XYLT1: variants seen among roughly 807,000 people sequenced by gnomAD.
XYLT1 encodes the protein beta-D-xylosyltransferase 1.
In XYLT1, 36 loss-of-function variants were observed where a neutral mutation model predicts 91.3. The ratio of observed to expected loss-of-function variants is 0.39; its 90% CI spans 0.30 to 0.52. The LOEUF (loss-of-function observed/expected upper bound fraction) is 0.52, where lower values mean the gene tolerates loss of function less well. Among genes scored for constraint, XYLT1 ranks in the 20% least tolerant of loss-of-function variants. XYLT1 has a pLI of 0.68. For missense variants in XYLT1, 1,242 were observed against 1,284.5 expected, an observed-to-expected ratio of 0.97 and a Z score of 0.51; for synonymous variants, 588 against 532.0, an observed-to-expected ratio of 1.11 and a Z score of -1.45.
chr16:17,262,324 T>C (rs1206906532), intron 2 of XYLT1, among the ~76,000 whole-genome samples: 1 of 151,964 alleles, frequency 6.6e-6, no homozygotes, highest in African/African-American at 2.4e-5. Context: ...GGGTGGAAAA[T>C]AAGGTTGGGG....
At chr16:17,460,343 A>G (rs1375652537) in intron 1 of XYLT1, among the ~76,000 whole-genome samples, 1 of 152,162 alleles carries the variant, frequency 6.6e-6, no homozygotes, top group Non-Finnish European at 1.5e-5. Context: ...GGAATGCATG[A>G]TTCTATTTCT....
At chr16:17,363,329 T>C (rs1329613952) in intron 1 of XYLT1, among the ~76,000 whole-genome samples, 1 of 152,210 alleles carries the variant, frequency 6.6e-6, no homozygotes, top group Non-Finnish European at 1.5e-5. Context: ...TTGCTAGGGC[T>C]GCTATAATAA....
chr16:17,468,453 T>C (rs995196482), intron 1 of XYLT1, among the ~76,000 whole-genome samples: 3 of 152,032 alleles, frequency 2.0e-5, no homozygotes, highest in African/African-American at 7.2e-5. Flanking sequence ...GTAACTGAAC[T>C]TGCAGTTGGA....
intron 6 of XYLT1, among the ~76,000 whole-genome samples, chr16:17,142,953 C>A (rs181433899): frequency 3.5e-4 from 54 of 152,270 alleles, no homozygotes; most frequent in African/African-American, 1.2e-3. Flanking sequence ...TCCAAAATCA[C>A]GAACCTCCCC....
chr16:17,459,353 C>T (rs920239778), intron 1 of XYLT1, among the ~76,000 whole-genome samples: 1 of 152,142 alleles, frequency 6.6e-6, no homozygotes, highest in East Asian at 1.9e-4. Context: ...GCCGGGGTGA[C>T]GTAAGGAGTC....
At chr16:17,215,451 A>G (rs1189475784) in intron 3 of XYLT1, among the ~76,000 whole-genome samples, 1 of 152,202 alleles carries the variant, frequency 6.6e-6, no homozygotes, top group Non-Finnish European at 1.5e-5. Context: ...TCTCTGCCAC[A>G]TGAGGTCACA....
chr16:17,430,609 C>T, intron 1 of XYLT1, among the ~76,000 whole-genome samples: 1 of 152,214 alleles, frequency 6.6e-6, no homozygotes, highest in Admixed American at 6.5e-5. Context: ...CCTCTCATGG[C>T]TCCTCTCCCT....
rs548450522 is a variant in XYLT1 at position 17,380,790 on chromosome 16, T to C, written c.364-22740A>G. Among the ~76,000 whole-genome samples the C allele has an allele frequency of 7.9e-5, 12 of 152,240 alleles. No individual in the cohort carries two copies. The South Asian group carries it at 2.3e-3, about 29-fold the overall frequency. ...ATCTGCGTGGATAAACCAAATGCAA[T>C]ACACACATACCATGGACTAGTCAGC... On this transcript the variant is annotated intron_variant, in intron 1 of 11. Coordinates refer to ENST00000261381, the MANE Select transcript of XYLT1 (RefSeq NM_022166.4).
At chr16:17,295,342 G>GT (rs71390597) in intron 2 of XYLT1, among the ~76,000 whole-genome samples, 2 of 149,248 alleles carry the variant, frequency 1.3e-5, no homozygotes, top group African/African-American at 2.5e-5. Flanking sequence ...TTTTTGTTTT[G>GT]TTTTGTTTTG....
intron 3 of XYLT1, among the ~76,000 whole-genome samples, chr16:17,223,471 G>A (rs940551932): frequency 3.9e-5 from 6 of 152,266 alleles, no homozygotes; most frequent in Non-Finnish European, 8.8e-5. Context: ...CCAAGAGGCT[G>A]TGCTTTAGCC....
intron 5 of XYLT1, among the ~76,000 whole-genome samples, chr16:17,160,851 A>C (rs2031531918): frequency 6.6e-6 from 1 of 152,210 alleles, no homozygotes; most frequent in African/African-American, 2.4e-5. Context: ...CGGCCTATAA[A>C]AAAATTTAAG....
chr16:17,438,531 C>T (rs1268520738), intron 1 of XYLT1, among the ~76,000 whole-genome samples: 1 of 152,076 alleles, frequency 6.6e-6, no homozygotes, highest in Non-Finnish European at 1.5e-5. Context: ...AGCATGGGTG[C>T]CTGAATCAGA....
At chr16:17,154,428 G>A (rs1382605483) in intron 6 of XYLT1, among the ~76,000 whole-genome samples, 1 of 152,170 alleles carries the variant, frequency 6.6e-6, no homozygotes, top group Non-Finnish European at 1.5e-5. Flanking sequence ...CAGCTCCCTG[G>A]AAGAGGCCTG....
At chr16:17,404,747 G>A (rs1229810645) in intron 1 of XYLT1, among the ~76,000 whole-genome samples, 1 of 65,982 alleles carries the variant, frequency 1.5e-5, no homozygotes, top group African/African-American at 6.5e-5. Flanking sequence ...ACCAGTTTGG[G>A]CATATATTGA....
intron 10 of XYLT1, among the ~76,000 whole-genome samples, chr16:17,124,150 A>C (rs2030174364): frequency 1.3e-5 from 2 of 152,186 alleles, no homozygotes; most frequent in African/African-American, 4.8e-5. Flanking sequence ...GATGTGAGGT[A>C]CTATTCTATT....
intron 10 of XYLT1, among the ~76,000 whole-genome samples, chr16:17,121,846 C>T (rs1030765363): frequency 2.0e-5 from 3 of 152,126 alleles, no homozygotes; most frequent in Non-Finnish European, 2.9e-5. Context: ...GAACATACAA[C>T]GTTTGCTTTT....
chr16:17,401,312 G>T (rs145245580), intron 1 of XYLT1, among the ~76,000 whole-genome samples: 119 of 152,276 alleles, frequency 7.8e-4, no homozygotes, highest in African/African-American at 2.4e-3. Flanking sequence ...CGGGGTGGGA[G>T]AGTCTTCCAG....
chr16:17,167,226 G>C (rs1205122155), intron 5 of XYLT1, among the ~76,000 whole-genome samples: 1 of 152,260 alleles, frequency 6.6e-6, no homozygotes, highest in African/African-American at 2.4e-5. Flanking sequence ...GTAGACAGAG[G>C]CAGGAAATAA....
intron 2 of XYLT1, among the ~76,000 whole-genome samples, chr16:17,323,761 G>GA (rs371540390): frequency 2.5e-4 from 38 of 150,272 alleles, no homozygotes; most frequent in African/African-American, 3.2e-4. Context: ...TTCTCCTTTT[G>GA]AAAAAAAAAG....
Sources: allele counts gnomAD v4.1 joint callset (sites outside exome capture counted in the v4.1 genomes callset), GRCh38; gene constraint gnomAD v4.1.1; transcripts MANE v1.5; gene names NCBI Gene and HGNC (gene_info 2026-07-23, HGNC 2026-07-21).